Variants in STX18 observed in about 807,000 individuals in gnomAD.
The protein encoded by STX18 is syntaxin-18.
Under a neutral mutation model 50.1 loss-of-function variants are expected in STX18, and 40 were observed. That is an observed-to-expected ratio of 0.80 (90% confidence interval 0.62 to 1.04). The LOEUF (loss-of-function observed/expected upper bound fraction) is 1.04, where lower values mean the gene tolerates loss of function less well. Among genes scored for constraint, STX18 ranks in the 50% least tolerant of loss-of-function variants. The probability of loss-of-function intolerance (pLI) is 0.00; values close to 1 mark genes in which losing one functional copy is unlikely to be tolerated. For synonymous variants in STX18, 158 were observed against 151.8 expected (o/e 1.04, Z -0.30); for missense variants, 410 against 415.8 (o/e 0.99, Z 0.12).
intron 1 of STX18, among the ~76,000 whole-genome samples, chr4:4,482,211 T>C (rs1027222309): frequency 1.3e-5 from 2 of 152,240 alleles, no homozygotes; most frequent in African/African-American, 4.8e-5. Flanking sequence ...TTTCTTTACA[T>C]GTTCTTGCTA....
intron 1 of STX18, among the ~76,000 whole-genome samples, chr4:4,529,718 T>A (rs559992710): frequency 6.6e-6 from 1 of 152,302 alleles, no homozygotes; most frequent in African/African-American, 2.4e-5. Flanking sequence ...GGAGATAGCT[T>A]ACCCTTCTGA....
At chr4:4,443,720 A>G (rs1246274773) in intron 5 of STX18, among the ~76,000 whole-genome samples, 1 of 152,244 alleles carries the variant, frequency 6.6e-6, no homozygotes, top group Admixed American at 6.5e-5. Context: ...CCAGGAATAC[A>G]AAGTTGGTTT....
At chr4:4,491,515 CA>C (rs1389929842) in intron 1 of STX18, among the ~76,000 whole-genome samples, 11 of 152,050 alleles carry the variant, frequency 7.2e-5, no homozygotes, top group Non-Finnish European at 1.2e-4. Flanking sequence ...TAAAATATGA[CA>C]AACCTTTAAC....
intron 1 of STX18, among the ~76,000 whole-genome samples, chr4:4,541,191 G>T (rs1414366248): frequency 1.3e-5 from 2 of 152,194 alleles, no homozygotes; most frequent in Admixed American, 6.5e-5. Flanking sequence ...TAAGGAAAAG[G>T]TTCCTGTTCC....
At chr4:4,491,696 C>T (rs576503970) in intron 1 of STX18, among the ~76,000 whole-genome samples, 9 of 152,132 alleles carry the variant, frequency 5.9e-5, no homozygotes, top group African/African-American at 1.9e-4. Context: ...CTTGTGATAT[C>T]GTTGATCACA....
chr4:4,425,654 G>C (rs1279808369), intron 7 of STX18: 3 of 165,786 alleles, frequency 1.8e-5, no homozygotes, highest in Admixed American at 1.8e-4. Flanking sequence ...GTGTGGGGAG[G>C]GTCTGGAGAG....
chr4:4,467,408 C>T (rs569652627), intron 2 of STX18, among the ~76,000 whole-genome samples: 4 of 152,282 alleles, frequency 2.6e-5, no homozygotes, highest in Non-Finnish European at 4.4e-5. Flanking sequence ...GGTCAGATCT[C>T]GTTCGCTGTC....
At chr4:4,509,693 G>A (rs909629527) in intron 1 of STX18, among the ~76,000 whole-genome samples, 2 of 152,140 alleles carry the variant, frequency 1.3e-5, no homozygotes, top group African/African-American at 2.4e-5. Flanking sequence ...GGGACAAAAA[G>A]CAAAAGTAAT....
chr4:4,472,444 G>A (rs1727970102), intron 1 of STX18, among the ~76,000 whole-genome samples: 1 of 152,212 alleles, frequency 6.6e-6, no homozygotes, highest in Non-Finnish European at 1.5e-5. Flanking sequence ...TGGCCTGCTG[G>A]TCCTCTGACG....
chr4:4,442,522 TG>T (rs1222181659), intron 5 of STX18, among the ~76,000 whole-genome samples: 2 of 151,258 alleles, frequency 1.3e-5, no homozygotes, highest in Admixed American at 1.3e-4. Flanking sequence ...GAGGCTGAGG[TG>T]GGAGAATTGC....
intron 3 of STX18, among the ~76,000 whole-genome samples, chr4:4,459,000 C>T (rs991993646): frequency 6.6e-6 from 1 of 152,066 alleles, no homozygotes; most frequent in African/African-American, 2.4e-5. Context: ...CAGAGGCACA[C>T]ATGTGCATAC....
intron 5 of STX18, among the ~76,000 whole-genome samples, chr4:4,454,638 C>T (rs1011838939): frequency 2.6e-5 from 4 of 152,152 alleles, no homozygotes; most frequent in African/African-American, 9.7e-5. Context: ...AAACTCTTCC[C>T]CAAGTCTGGA....
upstream of STX18, chr4:4,542,302 A>T: frequency 4.4e-6 from 1 of 226,078 alleles, no homozygotes; most frequent in Non-Finnish European, 8.6e-6. Flanking sequence ...GAGGACCGGG[A>T]AGCTAGGAGG....
chr4:4,428,403 C>T (rs559968930), intron 7 of STX18, among the ~76,000 whole-genome samples: 38 of 152,258 alleles, frequency 2.5e-4, no homozygotes, highest in African/African-American at 7.5e-4. Flanking sequence ...AATCTCTGGG[C>T]GTCTCTGTCT....
Position 4,521,497 on chromosome 4 carries a change from C to T in STX18, c.168+20300G>A, listed in dbSNP as rs181861564. Among the ~76,000 whole-genome samples, 907 of 151,838 alleles carry T rather than the reference C, an allele frequency of 6.0e-3. 4 individuals carry two copies. The highest frequency in any genetic ancestry group is 9.2e-3 in the South Asian group (44 of 4,804). On this transcript the variant is annotated intron_variant, in intron 1 of 10. Transcript: ENST00000306200. ...GAAGAGCCCAGTTAAGCTTTTAGAG[C>T]GGGGGAGGATAAAGAAGAAAGAAAG...
rs1425480924 is a variant in STX18 at position 4,434,712 on chromosome 4, T to C, written c.702+58A>G. On this transcript the variant is annotated intron_variant, in intron 7 of 10. Transcript: ENST00000306200. ...GCATTGAGGATGAGTTTCTCCTTAG[T>C]GAAACAGTCTTATGAAAACCAGTTA... The C allele has an allele frequency of 7.0e-6, 10 of 1,429,002 alleles. No homozygotes were observed. In the South Asian group the frequency reaches 1.2e-4, roughly 16 times the overall value. The allele number at this position is 1,429,002 out of a possible 1,614,324, so 88.5% of individuals were successfully genotyped here.
intron 1 of STX18, among the ~76,000 whole-genome samples, chr4:4,493,025 A>T (rs1354304635): frequency 1.3e-5 from 2 of 152,202 alleles, no homozygotes; most frequent in African/African-American, 2.4e-5. Context: ...TTATATTTTT[A>T]AAAACCCACT....
intron 1 of STX18, among the ~76,000 whole-genome samples, chr4:4,537,695 T>A (rs1731405292): frequency 6.6e-6 from 1 of 152,234 alleles, no homozygotes; most frequent in African/African-American, 2.4e-5. Context: ...GGCACCTGCA[T>A]ACCTTTTCTT....
chr4:4,432,240 C>T (rs953571512), intron 7 of STX18, among the ~76,000 whole-genome samples: 4 of 152,132 alleles, frequency 2.6e-5, no homozygotes, highest in South Asian at 2.1e-4. Flanking sequence ...GCTTTCAAGG[C>T]GATGATTTTA....
Sources: gnomAD v4.1 joint callset for allele counts (sites outside exome capture counted in the v4.1 genomes callset) on GRCh38, gnomAD v4.1.1 for gene constraint, MANE v1.5 for transcripts, NCBI Gene and HGNC (gene_info 2026-07-23, HGNC 2026-07-21) for gene names.